RGS22: variants seen among roughly 807,000 people sequenced by gnomAD.
The protein encoded by RGS22 is regulator of G protein signaling 22, also known as regulator of G-protein signaling 22.
In RGS22, 148 loss-of-function variants were observed where a neutral mutation model predicts 172.9. The ratio of observed to expected loss-of-function variants is 0.86; its 90% CI spans 0.75 to 0.98. The LOEUF is 0.98. Ranked by LOEUF, RGS22 falls within the 50% of genes least tolerant of loss-of-function variation. RGS22 has a pLI of 0.00. For missense variants in RGS22, 1,347 were observed against 1,440.8 expected (o/e 0.93, Z 1.05); for synonymous variants, 458 against 480.2 (o/e 0.95, Z 0.60).
intron 26 of RGS22, 71 bp from the exon 27 acceptor site, chr8:99,962,514 G>C: frequency 6.5e-7 from 1 of 1,527,872 alleles, no homozygotes; most frequent in Non-Finnish European, 9.0e-7. Context: ...AACAGAGACA[G>C]AGAGAAGCAG....
intron 3 of RGS22, among the ~76,000 whole-genome samples, chr8:100,085,943 A>G (rs570086796): frequency 2.8e-4 from 42 of 152,318 alleles, no homozygotes; most frequent in South Asian, 1.2e-3. Flanking sequence ...AACAAGCACA[A>G]TAGAAGAACA....
At chr8:100,038,284 G>A in intron 14 of RGS22, among the ~76,000 whole-genome samples, 1 of 152,078 alleles carries the variant, frequency 6.6e-6, no homozygotes, top group South Asian at 2.1e-4. Flanking sequence ...CCCCACAAAA[G>A]AGGCTATTCT....
At chr8:100,083,830 C>CTTTTTTTTTTT (rs59603032) in intron 3 of RGS22, among the ~76,000 whole-genome samples, 1 of 126,052 alleles carries the variant, frequency 7.9e-6, no homozygotes, top group African/African-American at 3.1e-5. Context: ...AATTTCTTTT[C>CTTTTTTTTTTT]TTTTTTTTTT....
intron 2 of RGS22, among the ~76,000 whole-genome samples, chr8:100,103,579 A>G (rs1813674077): frequency 1.3e-5 from 2 of 152,190 alleles, no homozygotes; most frequent in African/African-American, 4.8e-5. Context: ...ACCGCTGGAT[A>G]TACAGAGCTG....
intron 10 of RGS22, among the ~76,000 whole-genome samples, chr8:100,048,835 TG>T (rs1163533800): frequency 6.6e-6 from 1 of 151,916 alleles, no homozygotes; most frequent in Non-Finnish European, 1.5e-5. Context: ...GCTGTGGGGA[TG>T]GGGAAAAGGA....
intron 2 of RGS22, among the ~76,000 whole-genome samples, chr8:100,099,580 G>T (rs1351960368): frequency 6.6e-6 from 1 of 152,148 alleles, no homozygotes; most frequent in Non-Finnish European, 1.5e-5. Context: ...CCCCAGTAGT[G>T]TCTAATATGG....
chr8:100,062,778 TAC>T (rs762691057), intron 8 of RGS22, 26 bp from the exon 9 acceptor site: 67 of 1,551,586 alleles, frequency 4.3e-5, no homozygotes, highest in Admixed American at 5.5e-5. Flanking sequence ...TTTCCATATA[TAC>T]ACACACACAT....
intron 14 of RGS22, among the ~76,000 whole-genome samples, chr8:100,019,136 A>C (rs1817332097): frequency 6.6e-6 from 1 of 152,252 alleles, no homozygotes. Flanking sequence ...CACTGTGCCA[A>C]AGGTGAGCAC....
At chr8:100,014,424 C>T (rs1816734522) in intron 14 of RGS22, among the ~76,000 whole-genome samples, 1 of 152,202 alleles carries the variant, frequency 6.6e-6, no homozygotes, top group Non-Finnish European at 1.5e-5. Flanking sequence ...TCCATAGTCA[C>T]TCCTCAATCT....
At chr8:99,999,732 G>A (rs1814825133) in intron 18 of RGS22, among the ~76,000 whole-genome samples, 1 of 152,160 alleles carries the variant, frequency 6.6e-6, no homozygotes, top group African/African-American at 2.4e-5. Flanking sequence ...CATGGACTCA[G>A]TATCTCCAAC....
chr8:100,066,063 T>A, intron 7 of RGS22, 104 bp downstream of exon 7: 1 of 1,034,788 alleles, frequency 9.7e-7, no homozygotes, highest in South Asian at 2.1e-5. Flanking sequence ...CGTATGTGGA[T>A]AATTTTTTCT....
intron 14 of RGS22, among the ~76,000 whole-genome samples, chr8:100,029,173 G>A (rs537315501): frequency 1.2e-4 from 18 of 152,234 alleles, no homozygotes; most frequent in African/African-American, 4.3e-4. Flanking sequence ...ACAACCATGT[G>A]AACACTGAAG....
intron 14 of RGS22, among the ~76,000 whole-genome samples, chr8:100,027,019 C>A (rs879294667): frequency 6.6e-6 from 1 of 152,120 alleles, no homozygotes; most frequent in African/African-American, 2.4e-5. Context: ...TGCTTGAGTA[C>A]AAGAGTTCAA....
chr8:100,080,387 T>A (rs1180091680), intron 3 of RGS22, 32 bp from the exon 4 acceptor site: 2 of 1,490,400 alleles, frequency 1.3e-6, no homozygotes, highest in African/African-American at 2.8e-5. Context: ...ATTAAAACAT[T>A]TTTTAAACCT....
intron 4 of RGS22, among the ~76,000 whole-genome samples, chr8:100,075,965 A>G (rs1811319814): frequency 6.6e-5 from 10 of 151,702 alleles, no homozygotes; most frequent in Admixed American, 6.6e-4. Flanking sequence ...TTTTGATTCC[A>G]TTTCCCTTAT....
intron 3 of RGS22, among the ~76,000 whole-genome samples, chr8:100,082,014 T>C (rs1811800363): frequency 2.6e-5 from 4 of 151,464 alleles, no homozygotes; most frequent in Admixed American, 2.6e-4. Context: ...GTTCAATGGA[T>C]AAATAAAACA....
Position 99,987,620 on chromosome 8 carries a change from C to CT in RGS22, c.3019-2dup. The stretch of plus-strand genomic sequence containing the variant: ...AAGAGATCCACTTACTCTCCACAGG[C>CT]TGTCCAAAGCAGAGAATATAGGAAA... On this transcript the variant is annotated splice_acceptor_variant, in intron 20 of 27. Transcript: ENST00000360863. LOFTEE classifies it high-confidence loss of function. 6.4e-7 allele frequency: 1 copy of CT among 1,574,060 alleles called. No homozygotes were observed. The highest frequency in any genetic ancestry group is 1.2e-5 in the South Asian group (1 of 84,496).
intron 3 of RGS22, among the ~76,000 whole-genome samples, chr8:100,081,909 CTTT>C (rs201340859): frequency 6.4e-5 from 8 of 125,356 alleles, no homozygotes; most frequent in Non-Finnish European, 1.1e-4. Context: ...TATTGTTTTC[CTTT>C]TTTTTTTTTT....
intron 3 of RGS22, among the ~76,000 whole-genome samples, chr8:100,092,830 T>A (rs1000789930): frequency 1.3e-5 from 2 of 152,242 alleles, no homozygotes; most frequent in Non-Finnish European, 2.9e-5. Context: ...TTAATTGGCA[T>A]CAATCTATGT....
Sources: gnomAD v4.1 joint callset for allele counts (sites outside exome capture counted in the v4.1 genomes callset) on GRCh38, gnomAD v4.1.1 for gene constraint, MANE v1.5 for transcripts, NCBI Gene and HGNC (gene_info 2026-07-23, HGNC 2026-07-21) for gene names.